KIF5B: variants seen among roughly 807,000 people sequenced by gnomAD.
KIF5B encodes kinesin-1 heavy chain.
In KIF5B, 49 loss-of-function variants were observed where a neutral mutation model predicts 132.8. The ratio of observed to expected loss-of-function variants is 0.37; its 90% CI spans 0.29 to 0.47. KIF5B has a LOEUF of 0.47. Among genes scored for constraint, KIF5B ranks in the 20% least tolerant of loss-of-function variants. KIF5B has a pLI of 1.00. For missense variants in KIF5B, 780 were observed against 1,144.0 expected, an observed-to-expected ratio of 0.68 and a Z score of 4.59; for synonymous variants, 355 against 369.4, an observed-to-expected ratio of 0.96 and a Z score of 0.45.
rs989627886 is a variant in KIF5B at position 32,009,468 on chromosome 10, A to G, written c.*2069T>C. 6.6e-6 allele frequency: 1 copy of G among 152,200 alleles called. No individual in the cohort carries two copies. Among genetic ancestry groups the G allele is most frequent in the African/African-American group, 2.4e-5 (1 of 41,450 alleles). 9.4% of individuals were successfully genotyped at this position (152,200 alleles called of 1,614,324 possible). Reference sequence around the variant, plus strand: ...GCAAAAAGCAGTTCACTGAAAACAAATTTATGAAATTCTTGGTACACTTTA... The same window carrying G: ...GCAAAAAGCAGTTCACTGAAAACAAGTTTATGAAATTCTTGGTACACTTTA... On this transcript the variant is annotated 3_prime_UTR_variant, in exon 26 of 26. Transcript: ENST00000302418.
At position 32,034,781 on chromosome 10, in the gene KIF5B, C is replaced by T; in HGVS notation, c.1020G>A (p.Trp340Ter). ...CTTTTTCTTTTTCATACTTCTTTTT[C>T]CACTGTTCTGCAGTTAACTCCACAT... is the stretch of plus-strand genomic sequence containing the variant. ...CVNVELTAEQ[W>*]KKKYEKEKEK... Residue 340 changes from tryptophan to a stop codon, truncating the protein, a stop_gained, in exon 11 of 26, where the codon TGG becomes TGA. Coordinates refer to ENST00000302418, the MANE Select transcript of KIF5B (RefSeq NM_004521.3). LOFTEE classifies it high-confidence loss of function. The T allele has an allele frequency of 6.2e-7, 1 of 1,609,190 alleles. No individual in the cohort carries two copies. Among genetic ancestry groups the T allele is most frequent in the Non-Finnish European group, 8.5e-7 (1 of 1,177,830 alleles).
chr10:32,028,836 T>C (rs1196942710), intron 14 of KIF5B, among the ~76,000 whole-genome samples: 1 of 152,182 alleles, frequency 6.6e-6, no homozygotes, highest in Non-Finnish European at 1.5e-5. Context: ...TTCCTGGGAT[T>C]GAATAATATT....
intron 6 of KIF5B, among the ~76,000 whole-genome samples, chr10:32,037,844 G>C (rs549275091): frequency 6.6e-6 from 1 of 151,618 alleles, no homozygotes; most frequent in South Asian, 2.1e-4. Context: ...AAATGAATTG[G>C]CTCACGCCTG....
chr10:32,040,507 T>A (rs768488301), intron 2 of KIF5B, 50 bp from the exon 3 acceptor site: 1 of 1,037,220 alleles, frequency 9.6e-7, no homozygotes, highest in Admixed American at 1.8e-5. Flanking sequence ...TAAGCAAGAT[T>A]CCTAAGAAAT....
rs1841515170 is a variant in KIF5B, at chr10:32,040,262, T to C, written c.288+122A>G. 8.6e-6 allele frequency: 6 copies of C among 700,454 alleles called. No individual in the cohort carries two copies. In the Admixed American group the frequency reaches 9.5e-5, roughly 11 times the overall value. The allele number at this position is 700,454 out of a possible 1,614,324, so 43.4% of individuals were successfully genotyped here. On this transcript the variant is annotated intron_variant, in intron 3 of 25. Coordinates refer to ENST00000302418, the MANE Select transcript of KIF5B (RefSeq NM_004521.3). ...CAACAATGATGTTACATGTATATTA[T>C]TTGTATGAGAAAAGGCAATAAAGAG...
intron 13 of KIF5B, among the ~76,000 whole-genome samples, chr10:32,032,475 A>G (rs1003466315): frequency 2.6e-5 from 4 of 152,218 alleles, no homozygotes; most frequent in East Asian, 1.9e-4. Context: ...AGTGACAAGA[A>G]GAGAAATGTC....
intron 22 of KIF5B, 47 bp downstream of exon 22, chr10:32,018,269 A>G (rs1301157348): frequency 6.9e-7 from 1 of 1,459,050 alleles, no homozygotes; most frequent in East Asian, 2.3e-5. Flanking sequence ...ATTACCTAGA[A>G]GTAAGCACCA....
rs1841765185 is a variant in KIF5B at position 32,056,373 on chromosome 10, C to T, written c.-400G>A. The T allele has an allele frequency of 4.5e-6, 1 of 221,998 alleles. No homozygotes were observed. Among genetic ancestry groups the T allele is most frequent in the South Asian group, 5.1e-5 (1 of 19,556 alleles). 13.8% of individuals were successfully genotyped at this position (221,998 alleles called of 1,614,324 possible). A position where few individuals can be genotyped will look rare whatever the true frequency, so the allele number is the denominator to read the frequency against. Reference sequence around the variant, plus strand: ...CCTACCCGTCCGCCCGCTCTGCCGTCCGCTGGCCGGCCGACTGCTGCCCGA... The same window carrying T: ...CCTACCCGTCCGCCCGCTCTGCCGTTCGCTGGCCGGCCGACTGCTGCCCGA... On this transcript the variant is annotated 5_prime_UTR_variant, in exon 1 of 26. Transcript: ENST00000302418.
intron 22 of KIF5B, 54 bp from the exon 23 acceptor site, chr10:32,018,210 A>G (rs975435988): frequency 1.4e-5 from 21 of 1,472,382 alleles, no homozygotes; most frequent in Admixed American, 6.4e-5. Flanking sequence ...AAGCTTAACT[A>G]TACAAAAATT....
At chr10:32,033,161 G>A (rs1317167115) in intron 12 of KIF5B, among the ~76,000 whole-genome samples, 3 of 151,928 alleles carry the variant, frequency 2.0e-5, no homozygotes, top group Non-Finnish European at 2.9e-5. Flanking sequence ...CCACTCTATT[G>A]TGTTTCCCTT....
At chr10:32,051,624 C>T (rs535063880) in intron 1 of KIF5B, among the ~76,000 whole-genome samples, 1 of 152,178 alleles carries the variant, frequency 6.6e-6, no homozygotes, top group Admixed American at 6.5e-5. Context: ...GATTATCTTT[C>T]TAGAAGTTAT....
At chr10:32,040,957 C>T (rs1339796868) in intron 2 of KIF5B, among the ~76,000 whole-genome samples, 1 of 147,570 alleles carries the variant, frequency 6.8e-6, no homozygotes, top group Non-Finnish European at 1.5e-5. Context: ...CACTGCACTC[C>T]AGTCTGGGTG....
chr10:32,040,657 A>ACACCCC (rs370537671), intron 2 of KIF5B, among the ~76,000 whole-genome samples, 200 bp from the exon 3 acceptor site: 1 of 137,574 alleles, frequency 7.3e-6, no homozygotes, highest in African/African-American at 2.7e-5. Flanking sequence ...ACACACACAC[A>ACACCCC]CCCTCTTCCT....
Position 32,032,787 on chromosome 10 carries a change from A to G in KIF5B, c.1306-13T>C. The G allele has an allele frequency of 1.9e-6, 3 of 1,610,644 alleles. No homozygotes were observed. The highest frequency in any genetic ancestry group is 1.3e-5 in the African/African-American group (1 of 74,978). On this transcript the variant is annotated splice_polypyrimidine_tract_variant and intron_variant, in intron 12 of 25. Coordinates refer to ENST00000302418, the MANE Select transcript of KIF5B (RefSeq NM_004521.3). ...TAATTTCTTCATCCTAGAATTGTGA[A>G]GTATCCGGTTAACCAGTAGCTAACA...
chr10:32,015,427 G>A, intron 25 of KIF5B, 82 bp downstream of exon 25: 1 of 1,048,118 alleles, frequency 9.5e-7, no homozygotes, highest in Admixed American at 2.6e-5. Flanking sequence ...ACACTAATGT[G>A]AGAATTTTTT....
intron 2 of KIF5B, among the ~76,000 whole-genome samples, chr10:32,047,033 T>A (rs1193338096): frequency 6.6e-6 from 1 of 152,254 alleles, no homozygotes; most frequent in African/African-American, 2.4e-5. Flanking sequence ...ATATTTCATA[T>A]GATTTATTGA....
Position 32,021,265 on chromosome 10 carries a change from C to A in KIF5B, c.2055G>T (p.Lys685Asn). Residue 685 changes from lysine (K) to asparagine (N), a missense_variant, in exon 18 of 26, where the codon AAG (lysine) becomes AAT (asparagine). This residue lies in a region of KIF5B where 471 missense variants were observed against 569.9 expected (regional missense o/e 0.83). Coordinates refer to ENST00000302418, the MANE Select transcript of KIF5B (RefSeq NM_004521.3). ...RAQEKVHEME[K>N]EHLNKVQTAN... ...CAGTCTGAACCTTATTTAAGTGCTC[C>A]TTTTCCATTTCATGGACTTTCTCTG... 6.2e-7 allele frequency: 1 copy of A among 1,612,682 alleles called. No individual in the cohort carries two copies. Among genetic ancestry groups the A allele is most frequent in the Non-Finnish European group, 8.5e-7 (1 of 1,179,068 alleles).
Position 32,053,387 on chromosome 10 carries a change from GTTAT to G in KIF5B, c.126+2457_126+2460del, listed in dbSNP as rs1345713839. Reference sequence around the variant, plus strand: ...GTTGCCTTTCATTTTTTAAGGCTATGTTATTCAGTTGTAATGTATTTTTGGTTAC... The same window carrying G: ...GTTGCCTTTCATTTTTTAAGGCTATGTCAGTTGTAATGTATTTTTGGTTAC... On this transcript the variant is annotated intron_variant, in intron 1 of 25. Transcript: ENST00000302418. 9.5e-5 allele frequency among the ~76,000 whole-genome samples: 14 copies of G among 147,330 alleles called. No individual in the cohort carries two copies. The East Asian group carries it at 2.8e-3, about 30-fold the overall frequency.
Position 32,021,376 on chromosome 10 carries a change from A to G in KIF5B, c.2033-89T>C, listed in dbSNP as rs546315005. 6.5e-6 allele frequency: 6 copies of G among 916,954 alleles called. No individual in the cohort carries two copies. The African/African-American group carries it at 9.9e-5, about 15-fold the overall frequency. The allele number at this position is 916,954 out of a possible 1,614,324, so 56.8% of individuals were successfully genotyped here. On this transcript the variant is annotated intron_variant, in intron 17 of 25. Coordinates refer to ENST00000302418, the MANE Select transcript of KIF5B (RefSeq NM_004521.3). Reference sequence around the variant, plus strand: ...GGAGCAAATGGATTTTACAATAAGCATTTTCCTTAGCAATATTCAACTTCA... The same window carrying G: ...GGAGCAAATGGATTTTACAATAAGCGTTTTCCTTAGCAATATTCAACTTCA...
Sources: gnomAD v4.1 joint callset for allele counts (sites outside exome capture counted in the v4.1 genomes callset) on GRCh38, gnomAD v4.1.1 for gene constraint, gnomAD v4.1.1 regional missense constraint, MANE v1.5 for transcripts, NCBI Gene and HGNC (gene_info 2026-07-23, HGNC 2026-07-21) for gene names.